GALNT15: variants seen among roughly 807,000 people sequenced by gnomAD.
GALNT15 encodes UDP-GalNAc transferase T15.
GALNT15 carries 67 observed loss-of-function variants against 66.8 expected under a neutral mutation model. The observed-to-expected ratio is 1.00, with a 90% CI of 0.82 to 1.23. The LOEUF (loss-of-function observed/expected upper bound fraction) is 1.23, where lower values mean the gene tolerates loss of function less well. Ranked by LOEUF, GALNT15 falls within the 50% of genes most tolerant of loss-of-function variation. The pLI is 0.00. For synonymous variants in GALNT15, 313 were observed against 311.5 expected, an observed-to-expected ratio of 1.00 and a Z score of -0.05; for missense variants, 827 against 804.3, an observed-to-expected ratio of 1.03 and a Z score of -0.34.
chr3:16,220,022 G>GTCAGACT lies in GALNT15; in HGVS notation c.1629+11_1629+17dup, dbSNP rs769184812. 1.2e-6 allele frequency: 2 copies of GTCAGACT among 1,606,108 alleles called. No individual in the cohort carries two copies. The highest frequency in any genetic ancestry group is 1.7e-5 in the Admixed American group (1 of 60,014). On this transcript the variant is annotated intron_variant, in intron 8 of 9. Coordinates refer to ENST00000339732, the MANE Select transcript of GALNT15 (RefSeq NM_054110.5). Reference sequence around the variant, plus strand: ...GACAGCCGGCAGCAACAGGTGGGTAGTCAGACTTCTCAGGATGGATGATAG... The same window carrying GTCAGACT: ...GACAGCCGGCAGCAACAGGTGGGTAGTCAGACTTCAGACTTCTCAGGATGGATGATAG...
chr3:16,185,764 TAGATA>T (rs1323842859), intron 1 of GALNT15, among the ~76,000 whole-genome samples: 16 of 135,072 alleles, frequency 1.2e-4, no homozygotes, highest in Non-Finnish European at 2.6e-4. Flanking sequence ...GATAGATAGA[TAGATA>T]GATAGATAGA....
rs572994736 is a variant in GALNT15 at position 16,227,711 on chromosome 3, G to C, written c.*211G>C. On this transcript the variant is annotated 3_prime_UTR_variant, in exon 10 of 10. Transcript: ENST00000339732. The surrounding 1 kb of genome is among the most constrained non-coding windows in gnomAD (Gnocchi z 4.5). The stretch of plus-strand genomic sequence containing the variant: ...GGCTGCTTTAAAAAAAAAAAAAAAG[G>C]ATCCATTGTACCGTTGTCTTCATCA... The C allele has an allele frequency of 9.7e-6, 13 of 1,335,866 alleles. No homozygotes were observed. In the South Asian group the frequency reaches 1.9e-4, roughly 20 times the overall value. 82.8% of individuals were successfully genotyped at this position (1,335,866 alleles called of 1,614,324 possible).
At position 16,195,078 on chromosome 3, in the gene GALNT15, GT is replaced by G. The variant is rs1282835037; in HGVS notation, c.540-681del. 1.3e-5 allele frequency among the ~76,000 whole-genome samples: 2 copies of G among 152,194 alleles called. No individual in the cohort carries two copies. Among genetic ancestry groups the G allele is most frequent in the Non-Finnish European group, 2.9e-5 (2 of 68,038 alleles). ...GGAACATAAAAATAAAGAAAATAGT[GT>G]CCCTGACCTTGAATGGATGACAGAG... On this transcript the variant is annotated intron_variant, in intron 1 of 9. Coordinates refer to ENST00000339732, the MANE Select transcript of GALNT15 (RefSeq NM_054110.5). The surrounding 1 kb of genome is among the most constrained non-coding windows in gnomAD (Gnocchi z 4.6).
At chr3:16,247,446 T>G in the GALNT15 span, among the ~76,000 whole-genome samples, 4 of 152,364 alleles carry the variant, frequency 2.6e-5, no homozygotes, top group Non-Finnish European at 4.4e-5. Flanking sequence ...CTTTGCCGTC[T>G]GCATTGAGCG....
chr3:16,247,644 G>T, the GALNT15 span, among the ~76,000 whole-genome samples: 2 of 152,236 alleles, frequency 1.3e-5, no homozygotes, highest in Non-Finnish European at 2.9e-5. Flanking sequence ...ACAACGCAAG[G>T]CCCAGAATCA....
chr3:16,244,741 A>T, the GALNT15 span, among the ~76,000 whole-genome samples: 1 of 152,250 alleles, frequency 6.6e-6, no homozygotes, highest in Non-Finnish European at 1.5e-5. Context: ...TTAAGACTGG[A>T]GTCCTGGCAG....
At chr3:16,220,148 TC>T in intron 8 of GALNT15, 134 bp downstream of exon 8, 1 of 702,416 alleles carries the variant, frequency 1.4e-6, no homozygotes, top group South Asian at 1.6e-5. Flanking sequence ...ACTGCCATGG[TC>T]CCCCACTGTA....
intron 6 of GALNT15, among the ~76,000 whole-genome samples, chr3:16,218,973 C>G (rs2063910718): frequency 6.6e-6 from 1 of 152,096 alleles, no homozygotes; most frequent in East Asian, 1.9e-4. Context: ...CGCCACCACA[C>G]CTGGCTAATT....
chr3:16,240,559 C>T, the GALNT15 span, among the ~76,000 whole-genome samples: 2 of 152,190 alleles, frequency 1.3e-5, no homozygotes, highest in African/African-American at 4.8e-5. Context: ...ACAAAATAGA[C>T]CTATATTTGT....
chr3:16,237,997 A>C, the GALNT15 span, among the ~76,000 whole-genome samples: 2 of 152,006 alleles, frequency 1.3e-5, no homozygotes, highest in African/African-American at 2.4e-5. The surrounding 1 kb of genome is among the most constrained non-coding windows in gnomAD (Gnocchi z 4.2). Context: ...CCAGATGGAC[A>C]AGTGATATGT....
At chr3:16,202,762 C>G (rs1212740364) in intron 3 of GALNT15, among the ~76,000 whole-genome samples, 2 of 152,210 alleles carry the variant, frequency 1.3e-5, no homozygotes, top group Admixed American at 1.3e-4. Context: ...TTGCCCATTT[C>G]CCATCTGATT....
At chr3:16,246,389 A>G in the GALNT15 span, among the ~76,000 whole-genome samples, 1 of 143,860 alleles carries the variant, frequency 7.0e-6, no homozygotes, top group African/African-American at 2.7e-5. Flanking sequence ...GCAGTGGTGC[A>G]ATCTCGGCCC....
At chr3:16,213,115 A>G in intron 6 of GALNT15, among the ~76,000 whole-genome samples, 1 of 152,180 alleles carries the variant, frequency 6.6e-6, no homozygotes. Flanking sequence ...CAAAGGGCTC[A>G]GGGCTATGAA....
In GALNT15 at chr3:16,227,785, C is replaced by T; in HGVS notation, c.*285C>T. ...ACAGAAGATTCTTTGTTTTTCTCCA[C>T]TGAGCACTTAACAATTGCTTTCTCT... On this transcript the variant is annotated 3_prime_UTR_variant, in exon 10 of 10. Transcript: ENST00000339732. This position sits in a 1 kb window ranked among gnomAD's most constrained non-coding sequence, Gnocchi z 4.5. 1 of 1,178,512 alleles carries T rather than the reference C, an allele frequency of 8.5e-7. No individual in the cohort carries two copies. Among genetic ancestry groups the T allele is most frequent in the Non-Finnish European group, 1.1e-6 (1 of 951,802 alleles). 73.0% of individuals were successfully genotyped at this position (1,178,512 alleles called of 1,614,324 possible).
At chr3:16,197,642 G>A (rs2063653354) in intron 2 of GALNT15, among the ~76,000 whole-genome samples, 1 of 152,202 alleles carries the variant, frequency 6.6e-6, no homozygotes. Context: ...TGACAGCATA[G>A]TGTAGTGTGA....
At chr3:16,202,134 A>G (rs571657793) in intron 3 of GALNT15, among the ~76,000 whole-genome samples, 1 of 152,374 alleles carries the variant, frequency 6.6e-6, no homozygotes, top group East Asian at 1.9e-4. Flanking sequence ...CCAAATGGAG[A>G]TGGTTTCAAA....
the GALNT15 span, among the ~76,000 whole-genome samples, chr3:16,241,465 C>A: frequency 1.3e-5 from 2 of 152,196 alleles, no homozygotes; most frequent in African/African-American, 4.8e-5. This position sits in a 1 kb window ranked among gnomAD's most constrained non-coding sequence, Gnocchi z 4.6. Flanking sequence ...GTAGCAATTC[C>A]AGACTCCCAC....
chr3:16,226,169 A>C (rs2064013699), intron 9 of GALNT15, among the ~76,000 whole-genome samples: 1 of 152,220 alleles, frequency 6.6e-6, no homozygotes, highest in African/African-American at 2.4e-5. Flanking sequence ...AAAGTAGATT[A>C]ATGATTAGTT....
downstream of GALNT15, among the ~76,000 whole-genome samples, chr3:16,236,822 A>C (rs1263492767): frequency 1.3e-5 from 2 of 152,200 alleles, no homozygotes; most frequent in Non-Finnish European, 2.9e-5. Context: ...TAAAGATTCC[A>C]GGGGCCTTCA....
Sources: allele counts gnomAD v4.1 joint callset (sites outside exome capture counted in the v4.1 genomes callset), GRCh38; gene constraint gnomAD v4.1.1; non-coding constraint Gnocchi (gnomAD v3.1); transcripts MANE v1.5; gene names NCBI Gene and HGNC (gene_info 2026-07-23, HGNC 2026-07-21).